TMEM232: variants seen among roughly 807,000 people sequenced by gnomAD.
TMEM232 encodes transmembrane protein 232.
A neutral mutation model predicts 78.8 loss-of-function variants in TMEM232; 80 were observed. The observed-to-expected ratio is 1.01, with a 90% CI of 0.85 to 1.22. TMEM232 has a LOEUF of 1.22. TMEM232 is among the 50% of genes most tolerant of loss of function. The pLI, the probability that TMEM232 is intolerant of heterozygous loss-of-function variation, is 0.00. For synonymous variants in TMEM232, 297 were observed against 254.3 expected (o/e 1.17, Z -1.60); for missense variants, 881 against 742.2 (o/e 1.19, Z -2.17).
chr5:110,602,063 T>C (rs1205962748), intron 10 of TMEM232, among the ~76,000 whole-genome samples: 3 of 152,132 alleles, frequency 2.0e-5, no homozygotes, highest in African/African-American at 7.2e-5. Context: ...TCCTATTTAA[T>C]AAATGGTGCT....
chr5:110,642,237 A>G lies in TMEM232; in HGVS notation c.237+23T>C, dbSNP rs1226825602. ...ACTAGAAAGGAAGTTAACATGCTCA[A>G]CAATCAAATGATATGCCATTACCTT... On this transcript the variant is annotated intron_variant, in intron 3 of 13. Transcript: ENST00000455884. The G allele has an allele frequency of 5.6e-6, 8 of 1,438,372 alleles. No homozygotes were observed. The South Asian group carries it at 9.3e-5, about 17-fold the overall frequency. 89.1% of individuals were successfully genotyped at this position (1,438,372 alleles called of 1,614,324 possible).
At chr5:110,668,372 C>G (rs115594715) in intron 1 of TMEM232, among the ~76,000 whole-genome samples, 1,969 of 152,210 alleles carry the variant, frequency 0.013, 41 homozygotes, top group African/African-American at 0.044. Flanking sequence ...TAAGAGGGAG[C>G]CTGGAGGATA....
In TMEM232 at chr5:110,551,458, C is replaced by T. The variant is rs143802187; in HGVS notation, c.1455+16989G>A. Among the ~76,000 whole-genome samples the T allele has an allele frequency of 4.4e-3, 658 of 151,136 alleles. 4 individuals carry two copies. The highest frequency in any genetic ancestry group is 0.015 in the African/African-American group (626 of 41,144). On this transcript the variant is annotated intron_variant, in intron 11 of 13. Transcript: ENST00000455884. ...CAGGATGGTCTTGAACTCCTGACCT[C>T]GTGATCCACCCGCCTCAGCCTCCCA... is the stretch of plus-strand genomic sequence containing the variant.
At chr5:110,566,839 G>T (rs1207642727) in intron 11 of TMEM232, among the ~76,000 whole-genome samples, 2 of 151,786 alleles carry the variant, frequency 1.3e-5, no homozygotes, top group Non-Finnish European at 2.9e-5. Flanking sequence ...CCAATTTACT[G>T]TATCAGTCCA....
At chr5:110,497,117 G>A (rs552826052) in intron 12 of TMEM232, among the ~76,000 whole-genome samples, 4 of 151,826 alleles carry the variant, frequency 2.6e-5, no homozygotes, top group African/African-American at 7.2e-5. Context: ...ATCAATAAAC[G>A]TTCCATACTT....
chr5:110,622,565 C>A (rs1783886743), intron 7 of TMEM232, among the ~76,000 whole-genome samples: 1 of 152,014 alleles, frequency 6.6e-6, no homozygotes, highest in African/African-American at 2.4e-5. Context: ...TGTATATGTG[C>A]CACATTTTCT....
In TMEM232 at chr5:110,569,740, G is replaced by A. The variant is rs75875110; in HGVS notation, c.1277-1115C>T. ...CATTATTATTATTATAGCTAGTACC[G>A]GAGGGGGTACTAACTATGTGGTCCA... On this transcript the variant is annotated intron_variant, in intron 10 of 13. Transcript: ENST00000455884. Among the ~76,000 whole-genome samples, 354 of 151,868 alleles carry A rather than the reference G, an allele frequency of 2.3e-3. 8 individuals are homozygous for A. In the East Asian group the frequency reaches 0.057, roughly 24 times the overall value.
intron 12 of TMEM232, among the ~76,000 whole-genome samples, chr5:110,445,273 TTTG>T (rs1315622403): frequency 6.6e-6 from 1 of 152,046 alleles, no homozygotes; most frequent in Non-Finnish European, 1.5e-5. Flanking sequence ...TTTTAACAGC[TTTG>T]TTGAGCTCTA....
At chr5:110,719,705 T>C (rs2150342322) in intron 1 of TMEM232, among the ~76,000 whole-genome samples, 1 of 152,206 alleles carries the variant, frequency 6.6e-6, no homozygotes, top group East Asian at 1.9e-4. Context: ...TCTGTGAAGC[T>C]TTTGATGCCA....
intron 2 of TMEM232, among the ~76,000 whole-genome samples, chr5:110,734,317 G>A (rs1798960524): frequency 1.3e-5 from 2 of 152,176 alleles, no homozygotes; most frequent in African/African-American, 4.8e-5. Context: ...TGGTTATTCA[G>A]GAGGTGCTTC....
intron 11 of TMEM232, among the ~76,000 whole-genome samples, chr5:110,534,702 A>T (rs950465201): frequency 1.3e-5 from 2 of 152,164 alleles, no homozygotes; most frequent in African/African-American, 4.8e-5. Flanking sequence ...TGCTATCCCC[A>T]AACTATCACT....
intron 12 of TMEM232, among the ~76,000 whole-genome samples, chr5:110,475,926 C>G (rs1329848896): frequency 6.6e-6 from 1 of 151,930 alleles, no homozygotes; most frequent in Non-Finnish European, 1.5e-5. Flanking sequence ...AGGTAGAGTA[C>G]TTAGATTTTT....
chr5:110,698,864 G>A (rs1459873790), intron 1 of TMEM232, among the ~76,000 whole-genome samples: 5 of 151,978 alleles, frequency 3.3e-5, no homozygotes, highest in African/African-American at 1.2e-4. Flanking sequence ...AACCTCTTTT[G>A]TCTGTACCAA....
intron 12 of TMEM232, among the ~76,000 whole-genome samples, chr5:110,442,946 C>G (rs1387696458): frequency 6.6e-6 from 1 of 152,172 alleles, no homozygotes; most frequent in Non-Finnish European, 1.5e-5. Context: ...GAGGCTCTCT[C>G]TCTGTGCTAA....
At chr5:110,451,483 T>A (rs1760273283) in intron 12 of TMEM232, among the ~76,000 whole-genome samples, 1 of 152,226 alleles carries the variant, frequency 6.6e-6, no homozygotes, top group Non-Finnish European at 1.5e-5. Flanking sequence ...AGAGTCATCA[T>A]TGTCCTGTGA....
intron 1 of TMEM232, among the ~76,000 whole-genome samples, chr5:110,709,463 A>G (rs1002308755): frequency 6.6e-6 from 1 of 152,160 alleles, no homozygotes; most frequent in African/African-American, 2.4e-5. Flanking sequence ...ATCATTCTCT[A>G]GAATAGACCA....
intron 12 of TMEM232, among the ~76,000 whole-genome samples, chr5:110,443,924 C>T (rs1306667031): frequency 6.6e-6 from 1 of 152,130 alleles, no homozygotes; most frequent in Non-Finnish European, 1.5e-5. Context: ...CTGCCCAGTA[C>T]CCTGTGCTAC....
intron 1 of TMEM232, chr5:110,667,754 T>C (rs1278570597): frequency 2.0e-5 from 3 of 153,682 alleles, no homozygotes; most frequent in Non-Finnish European, 2.9e-5. Flanking sequence ...TAGTTCAATA[T>C]ATGTAAATTG....
chr5:110,413,335 C>A (rs1328274844), intron 2 of TMEM232, among the ~76,000 whole-genome samples: 1 of 152,164 alleles, frequency 6.6e-6, no homozygotes, highest in African/African-American at 2.4e-5. Flanking sequence ...CAGGGGCTCT[C>A]AGGCCTTCAG....
Sources: gnomAD v4.1 joint callset for allele counts (sites outside exome capture counted in the v4.1 genomes callset) on GRCh38, gnomAD v4.1.1 for gene constraint, MANE v1.5 for transcripts, NCBI Gene and HGNC (gene_info 2026-07-23, HGNC 2026-07-21) for gene names.